The following HERC1 variants were observed in gnomAD, a reference collection of about 807,000 sequenced individuals.
HERC1 encodes HECT and RLD domain containing E3 ubiquitin protein ligase family member 1.
Under a neutral mutation model 554.3 loss-of-function variants are expected in HERC1, and 160 were observed. The ratio of observed to expected loss-of-function variants is 0.29; its 90% CI spans 0.25 to 0.33. The LOEUF (loss-of-function observed/expected upper bound fraction) is 0.33. Ranked by LOEUF, HERC1 falls within the 10% of genes least tolerant of loss-of-function variation. The pLI, the probability that HERC1 is intolerant of heterozygous loss-of-function variation, is 1.00. For synonymous variants in HERC1, 2,175 were observed against 2,131.7 expected, an observed-to-expected ratio of 1.02 and a Z score of -0.56; for missense variants, 4,919 against 5,918.5, an observed-to-expected ratio of 0.83 and a Z score of 5.54.
intron 1 of HERC1, among the ~76,000 whole-genome samples, chr15:63,816,771 G>A (rs2077506573): frequency 6.6e-6 from 1 of 152,120 alleles, no homozygotes; most frequent in African/African-American, 2.4e-5. Flanking sequence ...AACTTACAGG[G>A]TTGAAGAAAT....
chr15:63,648,343 A>C, intron 54 of HERC1, 144 bp from the exon 55 acceptor site: 1 of 759,562 alleles, frequency 1.3e-6, no homozygotes, highest in Non-Finnish European at 2.1e-6. Context: ...TTTAGACAAA[A>C]TGTAGGCGTA....
chr15:63,795,020 T>C (rs1432510604), intron 1 of HERC1, among the ~76,000 whole-genome samples: 2 of 141,360 alleles, frequency 1.4e-5, no homozygotes, highest in East Asian at 2.0e-4. Context: ...TAGCCAAGAT[T>C]GTGCCACTGC....
chr15:63,785,191 A>T (rs1248635906), intron 1 of HERC1, among the ~76,000 whole-genome samples: 2 of 152,218 alleles, frequency 1.3e-5, no homozygotes, highest in Non-Finnish European at 2.9e-5. Flanking sequence ...TTAAGAGGCC[A>T]AGGTGGGAGG....
Position 63,694,143 on chromosome 15 carries a change from T to G in HERC1, c.5495A>C (p.Lys1832Thr), listed in dbSNP as rs763077626. Residue 1832 changes from lysine to threonine, a missense_variant, in exon 30 of 78, where the codon AAA (lysine) becomes ACA (threonine). By Grantham distance (78) the Lys-to-Thr change is moderately conservative (BLOSUM62 -1). Coordinates refer to ENST00000443617, the MANE Select transcript of HERC1 (RefSeq NM_003922.4). This position sits in a 1 kb window ranked among gnomAD's most constrained non-coding sequence, Gnocchi z 4.3. ...LAITTGTYAD[K>T]LSPKVVQSLL... ...GGATTGAACTACTTTGGGACTCAGT[T>G]TATCAGCATAGGTCCTATGTGAAAT... 2.5e-6 allele frequency: 4 copies of G among 1,605,678 alleles called. No homozygotes were observed. The highest frequency in any genetic ancestry group is 2.6e-6 in the Non-Finnish European group (3 of 1,176,040).
At chr15:63,761,906 A>G (rs574760051) in intron 3 of HERC1, among the ~76,000 whole-genome samples, 2 of 152,356 alleles carry the variant, frequency 1.3e-5, no homozygotes, top group South Asian at 4.1e-4. Flanking sequence ...TGAAAGTATC[A>G]GTATGAACTC....
intron 1 of HERC1, among the ~76,000 whole-genome samples, chr15:63,802,873 A>G (rs2077035398): frequency 6.6e-6 from 1 of 152,242 alleles, no homozygotes; most frequent in Non-Finnish European, 1.5e-5. Context: ...AGCACTTTCT[A>G]TGTGGCAGAA....
At chr15:63,745,370 T>C (rs2075017951) in intron 12 of HERC1, among the ~76,000 whole-genome samples, 1 of 152,160 alleles carries the variant, frequency 6.6e-6, no homozygotes, top group African/African-American at 2.4e-5. Flanking sequence ...GCCTTTCAAG[T>C]TTACTTGGAG....
chr15:63,760,263 T>G (rs1277105171), intron 3 of HERC1, among the ~76,000 whole-genome samples: 1 of 151,278 alleles, frequency 6.6e-6, no homozygotes, highest in Non-Finnish European at 1.5e-5. Flanking sequence ...TCTATGGAGT[T>G]TAAAAAGCCA....
At chr15:63,704,182 G>A (rs2072880570) in intron 25 of HERC1, among the ~76,000 whole-genome samples, 1 of 152,138 alleles carries the variant, frequency 6.6e-6, no homozygotes, top group Non-Finnish European at 1.5e-5. Flanking sequence ...TCAAAGGGCA[G>A]TCACTAAATA....
chr15:63,751,524 G>A (rs959005568), intron 8 of HERC1, among the ~76,000 whole-genome samples: 11 of 152,000 alleles, frequency 7.2e-5, no homozygotes, highest in African/African-American at 1.9e-4. Flanking sequence ...GCGTTCCTTC[G>A]GTTGAGCACC....
chr15:63,770,329 C>T (rs899343073), intron 2 of HERC1, among the ~76,000 whole-genome samples: 6 of 152,194 alleles, frequency 3.9e-5, no homozygotes, highest in African/African-American at 1.4e-4. Context: ...TCTTTCATCC[C>T]ATCATCTCCT....
At chr15:63,638,853 T>C (rs539669411) in intron 61 of HERC1, 77 bp from the exon 62 acceptor site, 284 of 976,688 alleles carry the variant, frequency 2.9e-4, no homozygotes, top group Non-Finnish European at 4.3e-4. Context: ...AGTCCTCTTC[T>C]AATCATTAAG....
intron 1 of HERC1, among the ~76,000 whole-genome samples, chr15:63,787,728 A>G (rs1022090205): frequency 2.6e-5 from 4 of 152,070 alleles, no homozygotes; most frequent in Non-Finnish European, 5.9e-5. Flanking sequence ...TCACTCCTGG[A>G]TAATACAGCA....
At chr15:63,687,497 C>T (rs893296743) in intron 33 of HERC1, among the ~76,000 whole-genome samples, 1 of 151,310 alleles carries the variant, frequency 6.6e-6, no homozygotes, top group African/African-American at 2.4e-5. Flanking sequence ...GAAATCGCGC[C>T]ACTGCACTCC....
chr15:63,632,884 G>T, intron 67 of HERC1, 73 bp from the exon 68 acceptor site: 1 of 1,027,134 alleles, frequency 9.7e-7, no homozygotes, highest in Non-Finnish European at 1.4e-6. Context: ...CTAATGGCAT[G>T]TATCAAGAAC....
At chr15:63,669,436 T>C (rs968302544) in intron 40 of HERC1, 102 bp downstream of exon 40, 65 of 1,098,294 alleles carry the variant, frequency 5.9e-5, no homozygotes, top group African/African-American at 1.7e-4. Flanking sequence ...TTAAAATCAC[T>C]GTTTTACCTT....
intron 12 of HERC1, among the ~76,000 whole-genome samples, chr15:63,744,110 C>CTGTGTGTGTGTGTGTGTGTG (rs142936354): frequency 6.6e-4 from 62 of 93,386 alleles, no homozygotes; most frequent in East Asian, 1.8e-3. Flanking sequence ...CCCAAACAGA[C>CTGTGTGTGTGTGTGTGTGTG]TGTGTGTGTG....
Position 63,612,564 on chromosome 15 carries a change from C to T in HERC1, c.14095-8G>A, listed in dbSNP as rs766725063. 8 of 1,609,674 alleles carry T rather than the reference C, an allele frequency of 5.0e-6. No homozygotes were observed. The highest frequency in any genetic ancestry group is 1.7e-5 in the Admixed American group (1 of 59,878). The stretch of plus-strand genomic sequence containing the variant: ...TTCTCGGACTGCAGCCACCTGCTCC[C>T]GGGAGAGGTTGCTCATTCAATGAGT... On this transcript the variant is annotated splice_polypyrimidine_tract_variant and splice_region_variant and intron_variant, in intron 76 of 77. Transcript: ENST00000443617. This position sits in a 1 kb window ranked among gnomAD's most constrained non-coding sequence, Gnocchi z 5.0.
At chr15:63,804,948 G>A (rs1056860555) in intron 1 of HERC1, among the ~76,000 whole-genome samples, 1 of 152,166 alleles carries the variant, frequency 6.6e-6, no homozygotes. Context: ...AGGTATTGGT[G>A]AGGATGTCAC....
Sources: allele counts gnomAD v4.1 joint callset (sites outside exome capture counted in the v4.1 genomes callset), GRCh38; gene constraint gnomAD v4.1.1; non-coding constraint Gnocchi (gnomAD v3.1); transcripts MANE v1.5; gene names NCBI Gene and HGNC (gene_info 2026-07-23, HGNC 2026-07-21).